The following DRC11 variants were observed in gnomAD, a reference collection of about 807,000 sequenced individuals.
The protein encoded by DRC11 is IQ and AAA domain-containing protein 1.
the DRC11 span, among the ~76,000 whole-genome samples, chr2:236,431,479 C>A: frequency 4.5e-4 from 68 of 152,262 alleles, no homozygotes; most frequent in African/African-American, 1.6e-3. This position sits in a 1 kb window ranked among gnomAD's most constrained non-coding sequence, Gnocchi z 4.2. Context: ...AGGGTCACTG[C>A]CTGCATGGTT....
the DRC11 span, among the ~76,000 whole-genome samples, chr2:236,336,771 C>T: frequency 2.0e-5 from 3 of 152,136 alleles, no homozygotes; most frequent in Non-Finnish European, 2.9e-5. The surrounding 1 kb of genome is among the most constrained non-coding windows in gnomAD (Gnocchi z 7.3). Flanking sequence ...AAGTCCTCAC[C>T]GCTCCCCGCC....
the DRC11 span, among the ~76,000 whole-genome samples, chr2:236,450,009 G>T: frequency 6.6e-6 from 1 of 152,192 alleles, no homozygotes; most frequent in Non-Finnish European, 1.5e-5. Flanking sequence ...GGATTAGCTT[G>T]GAGGCATGCG....
chr2:236,391,981 C>T, the DRC11 span: 3 of 1,613,862 alleles, frequency 1.9e-6, no homozygotes, highest in Non-Finnish European at 2.5e-6. This position sits in a 1 kb window ranked among gnomAD's most constrained non-coding sequence, Gnocchi z 4.5. Context: ...CTCACCTTGT[C>T]CTTTTTCTTT....
the DRC11 span, chr2:236,338,517 G>A: frequency 1.2e-6 from 1 of 803,502 alleles, no homozygotes; most frequent in South Asian, 1.8e-5. Context: ...ATTTCTTAAG[G>A]TTTGTCCTGG....
the DRC11 span, among the ~76,000 whole-genome samples, chr2:236,500,537 G>T: frequency 1.3e-5 from 2 of 152,128 alleles, no homozygotes; most frequent in African/African-American, 4.8e-5. The surrounding 1 kb of genome is among the most constrained non-coding windows in gnomAD (Gnocchi z 6.3). Context: ...CCGAATGCCA[G>T]ATTTCTCAAA....
the DRC11 span, among the ~76,000 whole-genome samples, chr2:236,458,893 A>G: frequency 1.3e-5 from 2 of 152,078 alleles, no homozygotes; most frequent in African/African-American, 2.4e-5. Context: ...AAAAATACAA[A>G]AATTAGCTGG....
chr2:236,407,463 C>A, the DRC11 span, among the ~76,000 whole-genome samples: 2 of 152,276 alleles, frequency 1.3e-5, no homozygotes, highest in Admixed American at 6.5e-5. Flanking sequence ...TCTCCTGGGG[C>A]CCCCTCTTGT....
At chr2:236,444,739 G>A in the DRC11 span, among the ~76,000 whole-genome samples, 1 of 152,322 alleles carries the variant, frequency 6.6e-6, no homozygotes, top group South Asian at 2.1e-4. Flanking sequence ...ACTTTGGTGG[G>A]ATCACTCACT....
the DRC11 span, among the ~76,000 whole-genome samples, chr2:236,451,943 G>A: frequency 2.6e-5 from 4 of 152,174 alleles, no homozygotes; most frequent in African/African-American, 7.2e-5. Flanking sequence ...TGTATGCCTA[G>A]TAGACAATTT....
the DRC11 span, chr2:236,486,901 C>G: frequency 1.2e-6 from 2 of 1,601,280 alleles, no homozygotes; most frequent in Admixed American, 3.4e-5. This position sits in a 1 kb window ranked among gnomAD's most constrained non-coding sequence, Gnocchi z 5.7. Context: ...GTCGCCAAAC[C>G]TAAAAACAAA....
chr2:236,497,840 G>A, the DRC11 span, among the ~76,000 whole-genome samples: 1 of 152,188 alleles, frequency 6.6e-6, no homozygotes, highest in Non-Finnish European at 1.5e-5. The surrounding 1 kb of genome is among the most constrained non-coding windows in gnomAD (Gnocchi z 5.1). Context: ...TACACAGCTG[G>A]TGAAGTATAT....
At chr2:236,382,049 TA>T in the DRC11 span, among the ~76,000 whole-genome samples, 2 of 152,192 alleles carry the variant, frequency 1.3e-5, no homozygotes, top group Non-Finnish European at 2.9e-5. Context: ...TTATCTAGCC[TA>T]GCCCCCAAAG....
the DRC11 span, among the ~76,000 whole-genome samples, chr2:236,414,119 C>G: frequency 6.6e-6 from 1 of 152,162 alleles, no homozygotes; most frequent in African/African-American, 2.4e-5. Context: ...TGTATATATT[C>G]TAGGTGCTAA....
At chr2:236,378,308 T>C in the DRC11 span, among the ~76,000 whole-genome samples, 2 of 152,214 alleles carry the variant, frequency 1.3e-5, no homozygotes, top group Admixed American at 1.3e-4. Context: ...ACTTATTTAA[T>C]ATAAACAATA....
At chr2:236,488,242 A>C in the DRC11 span, 31 of 1,343,434 alleles carry the variant, frequency 2.3e-5, no homozygotes, top group Non-Finnish European at 2.9e-5. Flanking sequence ...TAACCACATC[A>C]ATTGATCCCA....
chr2:236,339,028 A>T, the DRC11 span, among the ~76,000 whole-genome samples: 2 of 152,042 alleles, frequency 1.3e-5, no homozygotes, highest in Non-Finnish European at 2.9e-5. Flanking sequence ...CTGCAAACGA[A>T]CCTCGCCCCC....
chr2:236,342,412 T>TCACCTTCAGAATGTGGACGTC, the DRC11 span, among the ~76,000 whole-genome samples: 1 of 152,128 alleles, frequency 6.6e-6, no homozygotes, highest in Non-Finnish European at 1.5e-5. The surrounding 1 kb of genome is among the most constrained non-coding windows in gnomAD (Gnocchi z 5.8). Flanking sequence ...TGGCTTTTGG[T>TCACCTTCAGAATGTGGACGTC]CACCTTCAGA....
chr2:236,489,682 G>A, the DRC11 span, among the ~76,000 whole-genome samples: 3 of 152,162 alleles, frequency 2.0e-5, no homozygotes, highest in African/African-American at 4.8e-5. Context: ...AGCACTTTGG[G>A]ATGCCGAGGT....
At chr2:236,490,771 T>A in the DRC11 span, among the ~76,000 whole-genome samples, 3 of 151,966 alleles carry the variant, frequency 2.0e-5, no homozygotes, top group South Asian at 6.2e-4. This position sits in a 1 kb window ranked among gnomAD's most constrained non-coding sequence, Gnocchi z 5.5. Flanking sequence ...TCAAAATTCT[T>A]CTTGGGTTAT....
Sources: allele counts gnomAD v4.1 joint callset (sites outside exome capture counted in the v4.1 genomes callset), GRCh38; gene constraint gnomAD v4.1.1; non-coding constraint Gnocchi (gnomAD v3.1); transcripts MANE v1.5; gene names NCBI Gene and HGNC (gene_info 2026-07-23, HGNC 2026-07-21).